ZPLD1: variants seen among roughly 807,000 people sequenced by gnomAD.
ZPLD1 encodes zona pellucida like domain containing 1, also known as zona pellucida-like domain-containing protein 1.
ZPLD1 carries 34 observed loss-of-function variants against 47.2 expected under a neutral mutation model. The observed-to-expected ratio is 0.72, with a 90% CI of 0.55 to 0.96. The LOEUF (loss-of-function observed/expected upper bound fraction) is 0.96. ZPLD1 is among the 40% of genes least tolerant of loss of function. The pLI is 0.00. For synonymous variants in ZPLD1, 176 were observed against 186.2 expected (o/e 0.95, Z 0.45); for missense variants, 512 against 505.8 (o/e 1.01, Z -0.12).
chr3:102,405,398 A>G (rs1235013917), intron 7 of ZPLD1, among the ~76,000 whole-genome samples: 3 of 152,020 alleles, frequency 2.0e-5, no homozygotes, highest in Admixed American at 6.6e-5. Flanking sequence ...TCATAAAAGT[A>G]GAATGTTTTA....
intron 3 of ZPLD1, 76 bp downstream of exon 3, chr3:102,438,669 T>A: frequency 8.9e-7 from 1 of 1,123,520 alleles, no homozygotes; most frequent in Non-Finnish European, 1.3e-6. Context: ...CATTTAAATA[T>A]ATATGGAGAA....
chr3:102,398,893 C>T (rs763361795), intron 7 of ZPLD1, among the ~76,000 whole-genome samples: 1 of 152,202 alleles, frequency 6.6e-6, no homozygotes, highest in Non-Finnish European at 1.5e-5. Flanking sequence ...CACACACACA[C>T]ACACACACAT....
intron 7 of ZPLD1, among the ~76,000 whole-genome samples, chr3:102,417,696 C>A (rs894166418): frequency 1.3e-5 from 2 of 151,938 alleles, no homozygotes; most frequent in African/African-American, 4.8e-5. Flanking sequence ...GGCCCGGCAT[C>A]TTTCACGAAG....
At chr3:102,390,963 C>T (rs1387521215) in intron 6 of ZPLD1, among the ~76,000 whole-genome samples, 1 of 152,034 alleles carries the variant, frequency 6.6e-6, no homozygotes, top group African/African-American at 2.4e-5. Flanking sequence ...AAAAGGACCC[C>T]ATGTCCTTTT....
intron 3 of ZPLD1, 104 bp from the exon 4 acceptor site, chr3:102,452,815 T>A (rs1416363471): frequency 1.5e-6 from 2 of 1,294,950 alleles, no homozygotes; most frequent in African/African-American, 3.0e-5. Flanking sequence ...TAAAAATGAG[T>A]TAAACAGACA....
chr3:102,467,643 T>C (rs1032722720), intron 8 of ZPLD1, among the ~76,000 whole-genome samples: 1 of 152,110 alleles, frequency 6.6e-6, no homozygotes, highest in Non-Finnish European at 1.5e-5. Context: ...ATTGGACCTA[T>C]ACTTCACTCA....
At chr3:102,427,826 G>A (rs1706966153) in intron 8 of ZPLD1, among the ~76,000 whole-genome samples, 1 of 152,168 alleles carries the variant, frequency 6.6e-6, no homozygotes, top group African/African-American at 2.4e-5. Flanking sequence ...ATCTCCGTGA[G>A]GCTCCAGAAG....
intron 1 of ZPLD1, among the ~76,000 whole-genome samples, chr3:102,435,770 G>C (rs1165740814): frequency 6.6e-6 from 1 of 151,684 alleles, no homozygotes; most frequent in Non-Finnish European, 1.5e-5. Context: ...AGCCTCCCGA[G>C]TAGCTGGGAC....
intron 7 of ZPLD1, among the ~76,000 whole-genome samples, chr3:102,396,398 C>T (rs574472048): frequency 1.1e-4 from 17 of 152,140 alleles, no homozygotes; most frequent in African/African-American, 3.6e-4. Context: ...ACCAACGCAC[C>T]GAACTCAGAC....
At chr3:102,477,078 T>C (rs1057089973) in intron 11 of ZPLD1, 37 bp downstream of exon 11, 1 of 1,608,906 alleles carries the variant, frequency 6.2e-7, no homozygotes, top group Middle Eastern at 1.7e-4. Flanking sequence ...GTTTTTTACA[T>C]TTTTGGTGAT....
intron 7 of ZPLD1, among the ~76,000 whole-genome samples, chr3:102,463,015 GTTC>G (rs1707533318): frequency 6.6e-6 from 1 of 152,118 alleles, no homozygotes; most frequent in Admixed American, 6.5e-5. Flanking sequence ...TATAAATTTA[GTTC>G]TTCTTTACCT....
chr3:102,434,843 CA>C (rs1376581251), upstream of ZPLD1, among the ~76,000 whole-genome samples: 1 of 152,180 alleles, frequency 6.6e-6, no homozygotes, highest in Non-Finnish European at 1.5e-5. Flanking sequence ...AGTGGGACAG[CA>C]AGCACCTTAG....
chr3:102,391,243 A>G (rs567914597), intron 6 of ZPLD1, among the ~76,000 whole-genome samples: 2 of 152,328 alleles, frequency 1.3e-5, no homozygotes, highest in African/African-American at 4.8e-5. Flanking sequence ...AGGCTAAACT[A>G]TAAAAGTATA....
chr3:102,406,133 G>A (rs1706682383), intron 7 of ZPLD1, among the ~76,000 whole-genome samples: 1 of 151,872 alleles, frequency 6.6e-6, no homozygotes, highest in South Asian at 2.1e-4. Flanking sequence ...TGTACACTAA[G>A]GATCTCTTCA....
chr3:102,437,068 A>T, intron 2 of ZPLD1, 95 bp downstream of exon 2: 1 of 488,780 alleles, frequency 2.0e-6, no homozygotes, highest in Non-Finnish European at 2.7e-6. Flanking sequence ...ATTCTAGTTG[A>T]AGTATCTTGA....
intron 3 of ZPLD1, among the ~76,000 whole-genome samples, chr3:102,444,106 C>T (rs1181605646): frequency 6.6e-6 from 1 of 152,228 alleles, no homozygotes; most frequent in Admixed American, 6.5e-5. Flanking sequence ...ATTTTAATAA[C>T]AGCATTCTTT....
rs63183460 is a variant in ZPLD1, at chr3:102,407,392, A to AATATATATATAT, written c.-156-10628_-156-10617dup. 2.5e-3 allele frequency among the ~76,000 whole-genome samples: 96 copies of AATATATATATAT among 37,884 alleles called. 4 individuals carry two copies. The highest frequency in any genetic ancestry group is 3.6e-3 in the Non-Finnish European group (56 of 15,690). 24.9% of individuals were successfully genotyped at this position (37,884 alleles called of 152,430 possible). On this transcript the variant is annotated intron_variant, in intron 7 of 17. Coordinates refer to the ZPLD1 transcript ENST00000491959. The stretch of plus-strand genomic sequence containing the variant: ...GTATTTATAGAAGCCTTGATTTTCA[A>AATATATATATAT]ATATATATATATATATATATATATA...
chr3:102,444,655 A>G (rs1366451150), intron 3 of ZPLD1, among the ~76,000 whole-genome samples: 1 of 152,196 alleles, frequency 6.6e-6, no homozygotes, highest in African/African-American at 2.4e-5. Flanking sequence ...TGGTTTAAAA[A>G]GATGGTATAA....
At chr3:102,431,947 G>C (rs978333150), upstream of ZPLD1, among the ~76,000 whole-genome samples, 4 of 152,030 alleles carry the variant, frequency 2.6e-5, no homozygotes, top group African/African-American at 2.4e-5. Flanking sequence ...GATTTTGAAG[G>C]GCGAGTTAAT....
Sources: allele counts gnomAD v4.1 joint callset (sites outside exome capture counted in the v4.1 genomes callset), GRCh38; gene constraint gnomAD v4.1.1; transcripts MANE v1.5; gene names NCBI Gene and HGNC (gene_info 2026-07-23, HGNC 2026-07-21).